NHSL1: variants seen among roughly 807,000 people sequenced by gnomAD.
NHSL1 encodes NHS like 1.
Under a neutral mutation model 95.0 loss-of-function variants are expected in NHSL1, and 48 were observed. That is an observed-to-expected ratio of 0.51 (90% confidence interval 0.40 to 0.64). The LOEUF (loss-of-function observed/expected upper bound fraction) is 0.64, where lower values mean the gene tolerates loss of function less well. Among genes scored for constraint, NHSL1 ranks in the 30% least tolerant of loss-of-function variants. NHSL1 has a pLI of 0.00. For missense variants in NHSL1, 1,971 were observed against 2,077.7 expected, an observed-to-expected ratio of 0.95 and a Z score of 1.00; for synonymous variants, 783 against 833.9, an observed-to-expected ratio of 0.94 and a Z score of 1.05.
At chr6:138,637,176 G>C (rs1029208529) in intron 1 of NHSL1, among the ~76,000 whole-genome samples, 2 of 152,012 alleles carry the variant, frequency 1.3e-5, no homozygotes, top group Non-Finnish European at 2.9e-5. Flanking sequence ...AATGGCGCTG[G>C]GAAAACTGGA....
chr6:138,433,814 T>C, intron 5 of NHSL1, 134 bp from the exon 6 acceptor site: 1 of 1,281,836 alleles, frequency 7.8e-7, no homozygotes, highest in East Asian at 2.7e-5. Flanking sequence ...TGTAGGTATC[T>C]AAGTACATTT....
At chr6:138,560,667 T>G (rs1039741514) in intron 1 of NHSL1, among the ~76,000 whole-genome samples, 23 of 152,134 alleles carry the variant, frequency 1.5e-4, no homozygotes, top group African/African-American at 5.5e-4. Flanking sequence ...GCAACCAAAC[T>G]AAGCACCAGC....
At chr6:138,568,621 T>C (rs189818558) in intron 1 of NHSL1, among the ~76,000 whole-genome samples, 4 of 152,320 alleles carry the variant, frequency 2.6e-5, no homozygotes, top group Admixed American at 2.0e-4. Flanking sequence ...CAAGAGAATT[T>C]TGAAACTTGT....
chr6:138,437,445 C>CACAA (rs1434317225), intron 5 of NHSL1, among the ~76,000 whole-genome samples: 8 of 61,810 alleles, frequency 1.3e-4, no homozygotes, highest in African/African-American at 3.8e-4. Context: ...CACACACACA[C>CACAA]AAAAAAAAAA....
At chr6:138,645,584 T>G (rs1277448663) in intron 1 of NHSL1, among the ~76,000 whole-genome samples, 2 of 151,696 alleles carry the variant, frequency 1.3e-5, no homozygotes, top group Non-Finnish European at 2.9e-5. Context: ...CTCAGCTCAT[T>G]GCAGCCCCCA....
At position 138,473,571 on chromosome 6, in the gene NHSL1, A is replaced by T. The variant is rs1295029544; in HGVS notation, c.212-138T>A. The T allele has an allele frequency of 1.0e-5, 10 of 965,672 alleles. No homozygotes were observed. The East Asian group carries it at 2.9e-4, about 28-fold the overall frequency. The allele number at this position is 965,672 out of a possible 1,614,324, so 59.8% of individuals were successfully genotyped here. A position where few individuals can be genotyped will look rare whatever the true frequency, so the allele number is the denominator to read the frequency against. On this transcript the variant is annotated intron_variant, in intron 2 of 7. Coordinates refer to ENST00000343505, the MANE Select transcript of NHSL1 (RefSeq NM_001144060.2). ...ATTAATAGGATTTTAAAATAATGAT[A>T]AAAACAGCTAAGAATTATTAAAGTA...
chr6:138,490,834 A>G (rs1001249930), intron 2 of NHSL1, among the ~76,000 whole-genome samples: 9 of 152,048 alleles, frequency 5.9e-5, no homozygotes, highest in Admixed American at 1.3e-4. Context: ...GGGTTTCACC[A>G]TGTTGGCCAG....
intron 1 of NHSL1, among the ~76,000 whole-genome samples, chr6:138,665,394 G>A (rs926452143): frequency 2.2e-4 from 34 of 152,078 alleles, no homozygotes; most frequent in African/African-American, 4.3e-4. Flanking sequence ...CAAAATTGTC[G>A]GACAAAACCA....
At chr6:138,652,766 C>T (rs952972628) in intron 1 of NHSL1, among the ~76,000 whole-genome samples, 3 of 152,110 alleles carry the variant, frequency 2.0e-5, no homozygotes, top group African/African-American at 7.2e-5. Context: ...AACAGAAAGG[C>T]TATTGTTTAT....
intron 2 of NHSL1, among the ~76,000 whole-genome samples, chr6:138,477,296 C>A (rs932041134): frequency 6.6e-6 from 1 of 152,116 alleles, no homozygotes; most frequent in African/African-American, 2.4e-5. Flanking sequence ...TAAATGAACC[C>A]TATAAGAAGT....
At position 138,530,986 on chromosome 6, in the gene NHSL1, A is replaced by T. The variant is rs111516249; in HGVS notation, c.16+14637T>A. Among the ~76,000 whole-genome samples, 655 of 151,414 alleles carry T rather than the reference A, an allele frequency of 4.3e-3. 2 individuals are homozygous for T. Among genetic ancestry groups the T allele is most frequent in the African/African-American group, 0.013 (526 of 41,322 alleles). On this transcript the variant is annotated intron_variant, in intron 1 of 4. Coordinates refer to the NHSL1 transcript ENST00000342260. The stretch of plus-strand genomic sequence containing the variant: ...ATAAAATTTAAAATATTTTTTTTTT[A>T]AAAAAAAGGCCACAGTTTTCTCCTC...
chr6:138,654,488 T>C (rs777117570), intron 1 of NHSL1, among the ~76,000 whole-genome samples: 1 of 152,224 alleles, frequency 6.6e-6, no homozygotes, highest in Non-Finnish European at 1.5e-5. Context: ...TGGCCATTGA[T>C]AAGAAAATAC....
upstream of NHSL1, among the ~76,000 whole-genome samples, chr6:138,549,961 C>T (rs998252903): frequency 7.9e-5 from 12 of 152,176 alleles, 2 homozygotes; most frequent in Admixed American, 5.9e-4. Flanking sequence ...CCTTGTGGGC[C>T]GGGCACAGTG....
chr6:138,652,440 C>CAA (rs898637244), intron 1 of NHSL1, among the ~76,000 whole-genome samples: 12 of 86,518 alleles, frequency 1.4e-4, no homozygotes, highest in Admixed American at 4.1e-4. Flanking sequence ...AACTCTATCT[C>CAA]AAAAAAAAAA....
intron 1 of NHSL1, among the ~76,000 whole-genome samples, chr6:138,569,268 TGTGAGAGA>T (rs1562376371): frequency 2.0e-5 from 3 of 151,308 alleles, no homozygotes; most frequent in African/African-American, 4.9e-5. Flanking sequence ...TGTGTGTGTG[TGTGAGAGA>T]GAGAGAGAGA....
chr6:138,546,427 CAAAAAAAAAAAAAAAA>C (rs1177720465), upstream of NHSL1, among the ~76,000 whole-genome samples: 8 of 50,950 alleles, frequency 1.6e-4, no homozygotes, highest in South Asian at 1.4e-3. Flanking sequence ...CCCATCTCTA[CAAAAAAAAAAAAAAAA>C]AAAAAAAAAA....
intron 1 of NHSL1, among the ~76,000 whole-genome samples, chr6:138,655,741 A>G (rs752746856): frequency 4.6e-5 from 7 of 152,238 alleles, no homozygotes; most frequent in Non-Finnish European, 1.0e-4. Context: ...GGGAGCAATT[A>G]TTTCAAAAGG....
At position 138,432,111 on chromosome 6, in the gene NHSL1, C is replaced by T; in HGVS notation, c.2234G>A (p.Gly745Asp). The T allele has an allele frequency of 6.4e-7, 1 of 1,551,154 alleles. No homozygotes were observed. Among genetic ancestry groups the T allele is most frequent in the Non-Finnish European group, 8.7e-7 (1 of 1,146,712 alleles). ...RSRSQSTVSA[G>D]SSMTSATTPN... ...GGTGGTGGCGGAAGTCATGCTGCTG[C>T]CAGCACTAACTGTGCTCTGGCTCCG... The change falls in exon 6 of 8, where the codon GGC (glycine) becomes GAC (aspartate). Residue 745 changes from glycine to aspartate, a missense_variant. By Grantham distance (94) the Gly-to-Asp change is moderately conservative. Coordinates refer to ENST00000343505, the MANE Select transcript of NHSL1 (RefSeq NM_001144060.2). This position sits in a 1 kb window ranked among gnomAD's most constrained non-coding sequence, Gnocchi z 4.4.
chr6:138,684,515 T>C (rs984907312), intron 1 of NHSL1, among the ~76,000 whole-genome samples: 1 of 151,642 alleles, frequency 6.6e-6, no homozygotes, highest in Non-Finnish European at 1.5e-5. Flanking sequence ...CGTGGTGGCG[T>C]GCGCCTGTAA....
Sources: gnomAD v4.1 joint callset for allele counts (sites outside exome capture counted in the v4.1 genomes callset) on GRCh38, gnomAD v4.1.1 for gene constraint, Gnocchi (gnomAD v3.1) non-coding constraint, MANE v1.5 for transcripts, NCBI Gene and HGNC (gene_info 2026-07-23, HGNC 2026-07-21) for gene names.